FBXW11: variants seen among roughly 807,000 people sequenced by gnomAD.
FBXW11 encodes F-box and WD repeat domain containing 11, also known as F-box/WD repeat-containing protein 11.
In FBXW11, 19 loss-of-function variants were observed where a neutral mutation model predicts 77.6. That is an observed-to-expected ratio of 0.24 (90% confidence interval 0.17 to 0.36). The LOEUF (loss-of-function observed/expected upper bound fraction) is 0.36. Ranked by LOEUF, FBXW11 falls within the 10% of genes least tolerant of loss-of-function variation. The probability of loss-of-function intolerance (pLI) is 1.00; values close to 1 mark genes in which losing one functional copy is unlikely to be tolerated. For synonymous variants in FBXW11, 235 were observed against 249.4 expected (o/e 0.94, Z 0.54); for missense variants, 334 against 704.2 (o/e 0.47, Z 5.95).
At chr5:171,958,020 T>C (rs972965883) in intron 1 of FBXW11, among the ~76,000 whole-genome samples, 8 of 152,168 alleles carry the variant, frequency 5.3e-5, no homozygotes, top group East Asian at 1.9e-4. Flanking sequence ...AGTGGTGAGA[T>C]TGTCGACTAC....
Position 171,957,589 on chromosome 5 carries a change from A to G in FBXW11, c.147+8T>C. On this transcript the variant is annotated splice_region_variant and intron_variant, in intron 2 of 13. Coordinates refer to ENST00000517395, the MANE Select transcript of FBXW11 (RefSeq NM_001378974.1). ...AAACACATTTACAACAAGAAAGAAG[A>G]GAGGCACCTGGAGACATCTGACACT... is the stretch of plus-strand genomic sequence containing the variant. The G allele has an allele frequency of 1.9e-6, 3 of 1,610,916 alleles. No individual in the cohort carries two copies. The highest frequency in any genetic ancestry group is 2.5e-6 in the Non-Finnish European group (3 of 1,177,028).
At chr5:171,952,282 C>G (rs188839065) in intron 2 of FBXW11, among the ~76,000 whole-genome samples, 9 of 150,716 alleles carry the variant, frequency 6.0e-5, no homozygotes, top group Non-Finnish European at 1.2e-4. Context: ...TAGATGCTCA[C>G]GCTACCAATG....
intron 6 of FBXW11, among the ~76,000 whole-genome samples, chr5:171,895,655 A>G (rs531989727): frequency 2.3e-4 from 35 of 152,256 alleles, no homozygotes; most frequent in Non-Finnish European, 4.3e-4. Flanking sequence ...TAGGGCTGTT[A>G]TAACAACTCC....
chr5:171,867,503 A>C (rs1757476506), intron 13 of FBXW11, among the ~76,000 whole-genome samples: 1 of 151,932 alleles, frequency 6.6e-6, no homozygotes, highest in South Asian at 2.1e-4. Context: ...AAAAAAAAAA[A>C]AACGGGTAGT....
intron 1 of FBXW11, among the ~76,000 whole-genome samples, chr5:171,998,334 G>GTTTTTTTTTTTTTTTTTTTTTT (rs1766187822): frequency 9.3e-6 from 1 of 107,864 alleles, no homozygotes; most frequent in African/African-American, 7.2e-5. Flanking sequence ...TTTTTTTCTT[G>GTTTTTTTTTTTTTTTTTTTTTT]TCTTTTTTTT....
At chr5:171,963,565 A>G (rs1764022988) in intron 1 of FBXW11, among the ~76,000 whole-genome samples, 1 of 152,234 alleles carries the variant, frequency 6.6e-6, no homozygotes, top group Non-Finnish European at 1.5e-5. Flanking sequence ...CAGCTGTGTC[A>G]TCCAATTTTA....
chr5:171,990,697 A>T (rs1171737370), intron 1 of FBXW11, among the ~76,000 whole-genome samples: 1 of 152,204 alleles, frequency 6.6e-6, no homozygotes, highest in Non-Finnish European at 1.5e-5. Context: ...GATATGAAAG[A>T]TAACTGAGTC....
Position 171,876,474 on chromosome 5 carries a change from T to C in FBXW11, c.1032A>G (p.Val344=), listed in dbSNP as rs778024564. The change falls in exon 9 of 14, where the codon GTA becomes GTG. Residue 344 remains valine, a synonymous_variant. Transcript: ENST00000517395. This position sits in a 1 kb window ranked among gnomAD's most constrained non-coding sequence, Gnocchi z 4.2. ...GTCCATTGCTGAAGCGTAAGTGCAA[T>C]ACAGCCTCATTGTGGTGGATCAATG... The part of the protein sequence containing the change: ...LNTLIHHNEA[V]LHLRFSNGLM... 3 of 1,614,204 alleles carry C rather than the reference T, an allele frequency of 1.9e-6. No individual in the cohort carries two copies. Among genetic ancestry groups the C allele is most frequent in the Non-Finnish European group, 2.5e-6 (3 of 1,180,038 alleles).
Position 171,951,792 on chromosome 5 carries a change from C to T in FBXW11, c.147+5805G>A, listed in dbSNP as rs1057021164. Among the ~76,000 whole-genome samples the T allele has an allele frequency of 2.0e-5, 3 of 152,072 alleles. No individual in the cohort carries two copies. The South Asian group carries it at 6.2e-4, about 32-fold the overall frequency. On this transcript the variant is annotated intron_variant, in intron 2 of 13. Coordinates refer to ENST00000517395, the MANE Select transcript of FBXW11 (RefSeq NM_001378974.1). ...GGCCTTTATTTTTAATTTCTTGAAG[C>T]TTGTTTAAAAATTTTTTAATGCTAG...
chr5:171,958,044 CCA>C (rs1344819594), intron 1 of FBXW11, among the ~76,000 whole-genome samples: 2 of 152,158 alleles, frequency 1.3e-5, no homozygotes, highest in Non-Finnish European at 2.9e-5. Context: ...TTCATCAGTG[CCA>C]CAGTTTCTCG....
Position 171,878,049 on chromosome 5 carries a change from C to T in FBXW11, c.933G>A (p.Glu311=). The stretch of plus-strand genomic sequence containing the variant: ...CTGAAGAGCCAGTTACAATGACACG[C>T]TCATCATACTGCAGACAGAGGACAG... The part of the protein sequence containing the change: ...TGSVLCLQYD[E]RVIVTGSSDS... Residue 311 remains glutamate (E), a synonymous_variant, in exon 8 of 14, where the codon GAG becomes GAA. Transcript: ENST00000517395. The T allele has an allele frequency of 1.2e-6, 2 of 1,613,948 alleles. No homozygotes were observed. Among genetic ancestry groups the T allele is most frequent in the South Asian group, 1.1e-5 (1 of 91,082 alleles).
rs148561661 is a variant in FBXW11 at position 171,915,185 on chromosome 5, G to A, written c.148-780C>T. Among the ~76,000 whole-genome samples the A allele has an allele frequency of 9.8e-5, 15 of 152,296 alleles. No homozygotes were observed. In the East Asian group the frequency reaches 2.7e-3, roughly 27 times the overall value. On this transcript the variant is annotated intron_variant, in intron 2 of 13. Coordinates refer to ENST00000517395, the MANE Select transcript of FBXW11 (RefSeq NM_001378974.1). ...GTGGGCTAGTTGTGCTCTGAAAAGA[G>A]TAACAACTCATTTATGGATAGCAGT...
At chr5:171,890,642 A>C (rs774989665) in intron 7 of FBXW11, among the ~76,000 whole-genome samples, 2 of 152,182 alleles carry the variant, frequency 1.3e-5, no homozygotes, top group South Asian at 4.1e-4. Context: ...ATGAACTAAA[A>C]ATTTATGTTC....
At chr5:171,967,119 ACT>A (rs1764232736) in intron 1 of FBXW11, among the ~76,000 whole-genome samples, 1 of 152,142 alleles carries the variant, frequency 6.6e-6, no homozygotes, top group Non-Finnish European at 1.5e-5. Context: ...TCTACCTGTC[ACT>A]CATCTATATT....
At chr5:172,005,281 G>T (rs559593052) in intron 1 of FBXW11, among the ~76,000 whole-genome samples, 1 of 152,178 alleles carries the variant, frequency 6.6e-6, no homozygotes, top group Non-Finnish European at 1.5e-5. Context: ...TGGGGAAGAA[G>T]TTGTTACCGT....
At chr5:171,989,724 G>A (rs1765631514) in intron 1 of FBXW11, among the ~76,000 whole-genome samples, 1 of 152,204 alleles carries the variant, frequency 6.6e-6, no homozygotes, top group African/African-American at 2.4e-5. Context: ...TACTTTGTTT[G>A]GATCCTGTTT....
At chr5:171,981,619 T>C (rs1319475921) in intron 1 of FBXW11, among the ~76,000 whole-genome samples, 4 of 152,182 alleles carry the variant, frequency 2.6e-5, no homozygotes, top group Non-Finnish European at 5.9e-5. Flanking sequence ...ACAAAAAACA[T>C]TTGGAGTCAG....
chr5:171,962,445 A>G (rs1054315118), intron 1 of FBXW11, among the ~76,000 whole-genome samples: 3 of 152,198 alleles, frequency 2.0e-5, no homozygotes, highest in Non-Finnish European at 2.9e-5. Context: ...ATGGGTTGTG[A>G]TATTAACAGC....
chr5:171,895,307 T>C (rs1387874241), intron 6 of FBXW11, among the ~76,000 whole-genome samples: 3 of 152,262 alleles, frequency 2.0e-5, no homozygotes, highest in African/African-American at 7.2e-5. Flanking sequence ...AAATTGGCAA[T>C]AGAGTGAAAA....
Sources: allele counts gnomAD v4.1 joint callset (sites outside exome capture counted in the v4.1 genomes callset), GRCh38; gene constraint gnomAD v4.1.1; non-coding constraint Gnocchi (gnomAD v3.1); transcripts MANE v1.5; gene names NCBI Gene and HGNC (gene_info 2026-07-23, HGNC 2026-07-21).